Variants in PLD5 observed in about 807,000 individuals in gnomAD.
The protein encoded by PLD5 is phospholipase D family member 5, also known as inactive phospholipase D5.
In PLD5, 36 loss-of-function variants were observed where a neutral mutation model predicts 61.1. That is an observed-to-expected ratio of 0.59 (90% CI 0.45 to 0.78). PLD5 has a LOEUF of 0.78. PLD5 is among the 30% of genes least tolerant of loss of function. The pLI is 0.00. For missense variants in PLD5, 515 were observed against 644.4 expected, an observed-to-expected ratio of 0.80 and a Z score of 2.17; for synonymous variants, 243 against 242.8, an observed-to-expected ratio of 1.00 and a Z score of -0.01.
At chr1:242,291,808 A>AAAAC (rs1008755771) in intron 2 of PLD5, among the ~76,000 whole-genome samples, 3 of 152,140 alleles carry the variant, frequency 2.0e-5, no homozygotes, top group Non-Finnish European at 4.4e-5. Context: ...CTCTGTCTCA[A>AAAAC]AAACAAACAA....
rs531308995 is a variant in PLD5 at position 242,377,155 on chromosome 1, C to T, written c.190-28913G>A. The T allele has an allele frequency of 5.8e-5, 94 of 1,611,584 alleles. No homozygotes were observed. In the Admixed American group the frequency reaches 6.3e-4, roughly 11 times the overall value. On this transcript the variant is annotated intron_variant, in intron 1 of 9. Transcript: ENST00000536534. ...GGCTGAGGTTCCTTTAACTTGTGTA[C>T]GATGAAGAGGTGTCTGGAGAGAGAG...
At chr1:242,390,423 T>C (rs1662861586) in intron 1 of PLD5, among the ~76,000 whole-genome samples, 1 of 152,196 alleles carries the variant, frequency 6.6e-6, no homozygotes, top group African/African-American at 2.4e-5. Context: ...CTTTTTTAAC[T>C]CTCACACAGT....
At chr1:242,273,260 TC>T (rs1277046761) in intron 3 of PLD5, among the ~76,000 whole-genome samples, 1 of 151,968 alleles carries the variant, frequency 6.6e-6, no homozygotes, top group East Asian at 1.9e-4. Context: ...ATGAACTCAT[TC>T]TTTTTTATGG....
intron 1 of PLD5, among the ~76,000 whole-genome samples, chr1:242,518,958 C>A (rs547453602): frequency 2.6e-5 from 4 of 152,304 alleles, no homozygotes; most frequent in Non-Finnish European, 5.9e-5. Context: ...GAGACATCTA[C>A]ACTTTCATGT....
intron 5 of PLD5, among the ~76,000 whole-genome samples, chr1:242,129,488 C>T (rs1488673909): frequency 1.3e-5 from 2 of 152,124 alleles, no homozygotes; most frequent in Non-Finnish European, 2.9e-5. Flanking sequence ...GCAGCTTTTT[C>T]GCCCACAGCA....
intron 3 of PLD5, among the ~76,000 whole-genome samples, chr1:242,279,597 A>C (rs1263335403): frequency 1.3e-5 from 2 of 151,916 alleles, no homozygotes; most frequent in Non-Finnish European, 2.9e-5. Flanking sequence ...GCAGTGGCAC[A>C]ATCTCAGCTC....
At chr1:242,142,193 T>C (rs1294553848) in intron 5 of PLD5, among the ~76,000 whole-genome samples, 2 of 152,194 alleles carry the variant, frequency 1.3e-5, no homozygotes, top group Non-Finnish European at 1.5e-5. Flanking sequence ...GCTTTTTCTT[T>C]TGTGGGGAGC....
intron 8 of PLD5, among the ~76,000 whole-genome samples, chr1:242,102,740 G>C (rs1394181410): frequency 6.6e-6 from 1 of 152,158 alleles, no homozygotes; most frequent in Non-Finnish European, 1.5e-5. Context: ...CTGTGTTCTA[G>C]ACATTAGGGC....
intron 1 of PLD5, among the ~76,000 whole-genome samples, chr1:242,402,084 G>A (rs1663966420): frequency 6.6e-6 from 1 of 152,188 alleles, no homozygotes; most frequent in African/African-American, 2.4e-5. Flanking sequence ...TGCTATCAGT[G>A]TTGCTGAGAA....
chr1:242,268,199 G>A (rs1673820200), intron 3 of PLD5, among the ~76,000 whole-genome samples: 1 of 152,072 alleles, frequency 6.6e-6, no homozygotes, highest in Non-Finnish European at 1.5e-5. Context: ...TCCATTGAAG[G>A]TTTGGTGATG....
chr1:242,486,011 T>C (rs1201624596), intron 1 of PLD5, among the ~76,000 whole-genome samples: 1 of 152,088 alleles, frequency 6.6e-6, no homozygotes, highest in East Asian at 1.9e-4. Flanking sequence ...TGGCTAGCCA[T>C]ATGTAGAAAG....
At chr1:242,361,454 G>T (rs1046672982) in intron 1 of PLD5, among the ~76,000 whole-genome samples, 15 of 152,140 alleles carry the variant, frequency 9.9e-5, no homozygotes, top group African/African-American at 2.9e-4. Flanking sequence ...TCCTTAACAG[G>T]TATAATTCCA....
At chr1:242,286,099 T>C (rs1242162010) in intron 3 of PLD5, among the ~76,000 whole-genome samples, 2 of 151,626 alleles carry the variant, frequency 1.3e-5, no homozygotes, top group Non-Finnish European at 2.9e-5. Flanking sequence ...ACACAGCGAG[T>C]CTCTGTCTCC....
intron 5 of PLD5, among the ~76,000 whole-genome samples, chr1:242,177,452 A>C (rs1196510811): frequency 1.3e-5 from 2 of 152,154 alleles, no homozygotes; most frequent in African/African-American, 2.4e-5. Flanking sequence ...CATTAGGAGA[A>C]ATACCTAATG....
At chr1:242,361,311 G>T (rs2257601) in intron 1 of PLD5, among the ~76,000 whole-genome samples, 1 of 152,006 alleles carries the variant, frequency 6.6e-6, no homozygotes, top group Non-Finnish European at 1.5e-5. Context: ...ACAATATAAG[G>T]TCATGCCACT....
At chr1:242,512,215 T>A (rs527675788) in intron 1 of PLD5, among the ~76,000 whole-genome samples, 198 of 149,880 alleles carry the variant, frequency 1.3e-3, no homozygotes, top group Middle Eastern at 0.01. Context: ...ATCGAGACCA[T>A]CCTGGCTAAC....
intron 1 of PLD5, among the ~76,000 whole-genome samples, chr1:242,402,442 T>C (rs951166270): frequency 2.0e-5 from 3 of 152,184 alleles, no homozygotes; most frequent in Admixed American, 6.5e-5. Flanking sequence ...TCAAGGTAGC[T>C]CTATCTCCAT....
At chr1:242,143,444 C>T (rs1176605748) in intron 5 of PLD5, among the ~76,000 whole-genome samples, 3 of 152,170 alleles carry the variant, frequency 2.0e-5, no homozygotes, top group Non-Finnish European at 4.4e-5. Context: ...TGGTGAATGA[C>T]TGGTGAATTA....
rs1206805529 is a variant in PLD5 at position 242,085,021 on chromosome 1, A to G, written c.*4833T>C. ...AAAACTGAGCATCTGGTTATACGAAAGGTTTGATAATTTTAATGATTCCCC... is the reference window on the plus strand; with the variant it reads ...AAAACTGAGCATCTGGTTATACGAAGGGTTTGATAATTTTAATGATTCCCC... On this transcript the variant is annotated 3_prime_UTR_variant, in exon 10 of 10. Transcript: ENST00000536534. 1 of 152,102 alleles carries G rather than the reference A, an allele frequency of 6.6e-6. No individual in the cohort carries two copies. Among genetic ancestry groups the G allele is most frequent in the Non-Finnish European group, 1.5e-5 (1 of 68,014 alleles). 9.4% of individuals were successfully genotyped at this position (152,102 alleles called of 1,614,324 possible). A position where few individuals can be genotyped will look rare whatever the true frequency, so the allele number is the denominator to read the frequency against.
Sources: allele counts gnomAD v4.1 joint callset (sites outside exome capture counted in the v4.1 genomes callset), GRCh38; gene constraint gnomAD v4.1.1; transcripts MANE v1.5; gene names NCBI Gene and HGNC (gene_info 2026-07-23, HGNC 2026-07-21).